TFDP2: variants seen among roughly 807,000 people sequenced by gnomAD.
The protein encoded by TFDP2 is transcription factor Dp-2 (E2F dimerization partner 2).
Under a neutral mutation model 59.3 loss-of-function variants are expected in TFDP2, and 17 were observed. That is an observed-to-expected ratio of 0.29 (90% CI 0.20 to 0.43). The LOEUF is 0.43. TFDP2 is among the 20% of genes least tolerant of loss of function. The pLI, the probability that TFDP2 is intolerant of heterozygous loss-of-function variation, is 1.00. For missense variants in TFDP2, 391 were observed against 528.8 expected (o/e 0.74, Z 2.56); for synonymous variants, 180 against 194.7 (o/e 0.92, Z 0.63).
intron 1 of TFDP2, among the ~76,000 whole-genome samples, chr3:142,119,599 G>A (rs936747110): frequency 1.3e-5 from 2 of 152,202 alleles, no homozygotes; most frequent in African/African-American, 4.8e-5. Flanking sequence ...TAAAGTAGCT[G>A]GGTGTGGTGG....
chr3:141,958,228 C>T (rs945318716), intron 11 of TFDP2, among the ~76,000 whole-genome samples: 4 of 151,670 alleles, frequency 2.6e-5, no homozygotes, highest in Admixed American at 1.3e-4. Context: ...ATCAAGCAAT[C>T]GGAAACAAAC....
At chr3:142,006,238 C>T (rs563162669) in intron 3 of TFDP2, among the ~76,000 whole-genome samples, 2 of 152,316 alleles carry the variant, frequency 1.3e-5, no homozygotes, top group South Asian at 4.1e-4. Context: ...ACATCAACTA[C>T]TTAATTCCCC....
At chr3:142,018,608 C>T (rs1465021785) in intron 3 of TFDP2, among the ~76,000 whole-genome samples, 2 of 151,904 alleles carry the variant, frequency 1.3e-5, no homozygotes, top group Non-Finnish European at 2.9e-5. Context: ...CCACATCCAG[C>T]TAATTTTTAA....
intron 1 of TFDP2, among the ~76,000 whole-genome samples, chr3:142,145,955 T>G (rs2063158071): frequency 6.6e-6 from 1 of 152,174 alleles, no homozygotes; most frequent in African/African-American, 2.4e-5. Context: ...AATTTCTAAT[T>G]GGGTGACCAA....
rs111266047 is a variant in TFDP2, at chr3:142,049,321, T to C, written c.82+43740A>G. 7.5e-3 allele frequency among the ~76,000 whole-genome samples: 1,149 copies of C among 152,250 alleles called. 19 individuals are homozygous for C. Among genetic ancestry groups the C allele is most frequent in the African/African-American group, 0.026 (1,091 of 41,558 alleles). On this transcript the variant is annotated intron_variant, in intron 3 of 12. Transcript: ENST00000489671. Reference sequence around the variant, plus strand: ...AGAAGGTTGATTTAACATTGGAAAATCAATCAATATAATTCCCCATATCAT... The same window carrying C: ...AGAAGGTTGATTTAACATTGGAAAACCAATCAATATAATTCCCCATATCAT...
intron 8 of TFDP2, among the ~76,000 whole-genome samples, chr3:141,970,838 A>G (rs1179788431): frequency 2.0e-5 from 3 of 151,320 alleles, no homozygotes; most frequent in Non-Finnish European, 3.0e-5. Flanking sequence ...GAGGGGGGAG[A>G]ATCACTTGAG....
chr3:142,069,678 A>G (rs1379632972), intron 3 of TFDP2, among the ~76,000 whole-genome samples: 3 of 150,886 alleles, frequency 2.0e-5, no homozygotes, highest in Admixed American at 2.0e-4. Flanking sequence ...TGCTATCTCA[A>G]CTCACTGCAA....
At chr3:142,049,202 A>T (rs1947491177) in intron 3 of TFDP2, among the ~76,000 whole-genome samples, 1 of 152,242 alleles carries the variant, frequency 6.6e-6, no homozygotes, top group Non-Finnish European at 1.5e-5. Flanking sequence ...ATCCCTCATG[A>T]ACACTCACAA....
In TFDP2 at chr3:142,140,176, C is replaced by T. The variant is rs114177024; in HGVS notation, c.-93+9007G>A. Among the ~76,000 whole-genome samples the T allele has an allele frequency of 3.7e-3, 570 of 152,278 alleles. 5 individuals are homozygous for T. The highest frequency in any genetic ancestry group is 0.013 in the African/African-American group (546 of 41,540). On this transcript the variant is annotated intron_variant, in intron 1 of 12. Coordinates refer to ENST00000489671, the MANE Select transcript of TFDP2 (RefSeq NM_001178139.2). The stretch of plus-strand genomic sequence containing the variant: ...ATCAAATCGGCCTTTGAAGCTTGTG[C>T]ATGCCTCACGAAGTTCTCATGCCAT...
intron 9 of TFDP2, among the ~76,000 whole-genome samples, chr3:141,966,876 A>T (rs1415643435): frequency 1.3e-5 from 2 of 151,214 alleles, no homozygotes; most frequent in African/African-American, 4.9e-5. Flanking sequence ...CTTATAAAAA[A>T]AAATCAAGTG....
intron 11 of TFDP2, among the ~76,000 whole-genome samples, chr3:141,955,609 C>T (rs1262092572): frequency 1.6e-4 from 25 of 152,084 alleles, no homozygotes; most frequent in Non-Finnish European, 1.5e-5. Flanking sequence ...CAAATCTCAG[C>T]CAACAAACTC....
In TFDP2 at chr3:142,127,940, C is replaced by T. The variant is rs920042208; in HGVS notation, c.-93+21243G>A. On this transcript the variant is annotated intron_variant, in intron 1 of 12. Transcript: ENST00000489671. ...TTCTGGCTGAGCCCAGTGGCTCACA[C>T]TTACAATTCCAGTGCTTTGGGAAGC... 4.6e-5 allele frequency among the ~76,000 whole-genome samples: 7 copies of T among 152,122 alleles called. 1 individual carries two copies. The East Asian group carries it at 1.2e-3, about 25-fold the overall frequency.
chr3:142,012,325 A>G (rs537224089), intron 3 of TFDP2, among the ~76,000 whole-genome samples: 57 of 152,266 alleles, frequency 3.7e-4, no homozygotes, highest in African/African-American at 1.3e-3. Context: ...AATTCTACAC[A>G]TTTTAAAGCT....
intron 5 of TFDP2, chr3:141,994,127 G>T (rs116659824): frequency 0.015 from 2,358 of 152,400 alleles, 27 homozygotes; most frequent in Non-Finnish European, 0.023. Flanking sequence ...TAATGGAAAA[G>T]TATGCATATA....
intron 3 of TFDP2, among the ~76,000 whole-genome samples, chr3:142,021,372 GT>G (rs1023970743): frequency 2.0e-5 from 3 of 152,192 alleles, no homozygotes; most frequent in African/African-American, 4.8e-5. Context: ...AAGCCTGAAT[GT>G]TTCTGCAGCT....
chr3:142,075,049 AT>A (rs1179484443), intron 3 of TFDP2, among the ~76,000 whole-genome samples: 1 of 152,200 alleles, frequency 6.6e-6, no homozygotes, highest in Non-Finnish European at 1.5e-5. Flanking sequence ...ACGTTACACC[AT>A]TAAAAAAATC....
chr3:142,136,395 T>C (rs998670014), intron 1 of TFDP2, among the ~76,000 whole-genome samples: 2 of 152,142 alleles, frequency 1.3e-5, no homozygotes, highest in African/African-American at 4.8e-5. Context: ...GATGGCAGTT[T>C]CTTTTGCCGT....
At chr3:141,998,686 C>T (rs1251387947) in intron 4 of TFDP2, among the ~76,000 whole-genome samples, 1 of 152,048 alleles carries the variant, frequency 6.6e-6, no homozygotes, top group African/African-American at 2.4e-5. Context: ...ACTTGATATG[C>T]TAAGGAAAAT....
chr3:142,128,028 T>C (rs1371333955), intron 1 of TFDP2, among the ~76,000 whole-genome samples: 1 of 152,086 alleles, frequency 6.6e-6, no homozygotes, highest in Non-Finnish European at 1.5e-5. Context: ...TGAAACTTCA[T>C]CTTAACAAAA....
Sources: allele counts gnomAD v4.1 joint callset (sites outside exome capture counted in the v4.1 genomes callset), GRCh38; gene constraint gnomAD v4.1.1; transcripts MANE v1.5; gene names NCBI Gene and HGNC (gene_info 2026-07-23, HGNC 2026-07-21).